The following OTOF variants were observed in gnomAD, a reference collection of about 807,000 sequenced individuals.
OTOF encodes fer-1-like family member 2.
OTOF carries 218 observed loss-of-function variants against 236.8 expected under a neutral mutation model. That is an observed-to-expected ratio of 0.92 (90% CI 0.82 to 1.03). The LOEUF (loss-of-function observed/expected upper bound fraction) is 1.03, where lower values mean the gene tolerates loss of function less well. OTOF is among the 50% of genes least tolerant of loss of function. The pLI is 0.00. For missense variants in OTOF, 2,590 were observed against 2,694.4 expected, an observed-to-expected ratio of 0.96 and a Z score of 0.86; for synonymous variants, 1,041 against 1,072.5, an observed-to-expected ratio of 0.97 and a Z score of 0.57.
chr2:26,463,190 G>C lies in OTOF; in HGVS notation c.5192+293C>G, dbSNP rs116461475. On this transcript the variant is annotated intron_variant, in intron 41 of 46. Coordinates refer to ENST00000272371, the MANE Select transcript of OTOF (RefSeq NM_194248.3). ...ATGCATGTGTATGGGCGCGTAGACC[G>C]TGTAGATACAATGCACCGGAGTGTG... Among the ~76,000 whole-genome samples the C allele has an allele frequency of 2.6e-4, 40 of 152,312 alleles. No homozygotes were observed. The South Asian group carries it at 4.8e-3, about 18-fold the overall frequency.
chr2:26,523,070 G>A (rs1332796616), intron 3 of OTOF, among the ~76,000 whole-genome samples: 1 of 152,204 alleles, frequency 6.6e-6, no homozygotes, highest in Non-Finnish European at 1.5e-5. Context: ...ACTTTCCCCT[G>A]GGAGCCCGTG....
intron 9 of OTOF, among the ~76,000 whole-genome samples, chr2:26,494,532 C>G (rs971000592): frequency 2.0e-5 from 3 of 152,100 alleles, no homozygotes; most frequent in Non-Finnish European, 4.4e-5. Flanking sequence ...CATTTAGGAG[C>G]ATGCCTGGCT....
In OTOF at chr2:26,477,391, C is replaced by G. The variant is rs760055325; in HGVS notation, c.2406+25G>C. The G allele has an allele frequency of 1.3e-6, 2 of 1,569,934 alleles. No homozygotes were observed. The highest frequency in any genetic ancestry group is 2.3e-5 in the South Asian group (2 of 85,750). ...CTCACAACCAGGCCCTCCCTCCAGC[C>G]CCCGCCGTCCAGTTGCGTCCTCACC... On this transcript the variant is annotated intron_variant, in intron 20 of 46. Coordinates refer to ENST00000272371, the MANE Select transcript of OTOF (RefSeq NM_194248.3). This position sits in a 1 kb window ranked among gnomAD's most constrained non-coding sequence, Gnocchi z 4.7.
chr2:26,553,663 T>G (rs1667516195), intron 1 of OTOF, among the ~76,000 whole-genome samples: 1 of 152,190 alleles, frequency 6.6e-6, no homozygotes, highest in Non-Finnish European at 1.5e-5. Context: ...GCCAATGAAC[T>G]AAGACCCTTC....
At position 26,477,236 on chromosome 2, in the gene OTOF, G is replaced by C. The variant is rs762333522; in HGVS notation, c.2459C>G (p.Thr820Arg). 2 of 1,609,606 alleles carry C rather than the reference G, an allele frequency of 1.2e-6. No individual in the cohort carries two copies. The highest frequency in any genetic ancestry group is 2.7e-5 in the African/African-American group (2 of 75,038). Reference sequence around the variant, plus strand: ...GCACAGCCTCAGCTTGTCCCGCACCGTGTGCCGCTTCACCTGGGCCCGCAG... The same window carrying C: ...GCACAGCCTCAGCTTGTCCCGCACCCTGTGCCGCTTCACCTGGGCCCGCAG... Reference protein sequence around the residue: ...RMLRAQVKRHTVRDKLRLCQN... With the variant: ...RMLRAQVKRHRVRDKLRLCQN... The change falls in exon 21 of 47, where the codon ACG becomes AGG. Residue 820 changes from threonine (T) to arginine (R), a missense_variant. By Grantham distance (71) the Thr-to-Arg change is moderately conservative (BLOSUM62 -1). Around this residue, in one of 2 missense-constraint regions of OTOF, gnomAD observed 1,379 missense variants for 1,341.6 expected, o/e 1.03. Coordinates refer to ENST00000272371, the MANE Select transcript of OTOF (RefSeq NM_194248.3). The surrounding 1 kb of genome is among the most constrained non-coding windows in gnomAD (Gnocchi z 4.7).
At chr2:26,528,426 T>C (rs1471378493) in intron 2 of OTOF, among the ~76,000 whole-genome samples, 1 of 152,226 alleles carries the variant, frequency 6.6e-6, no homozygotes, top group East Asian at 1.9e-4. Context: ...GACTCCTGTG[T>C]TGAGTTCAAA....
intron 2 of OTOF, among the ~76,000 whole-genome samples, chr2:26,532,708 G>A (rs1251871853): frequency 2.0e-5 from 3 of 152,034 alleles, no homozygotes; most frequent in Non-Finnish European, 4.4e-5. Context: ...GGAGTGCTGA[G>A]TCCTGACCCA....
intron 3 of OTOF, among the ~76,000 whole-genome samples, chr2:26,526,200 G>A (rs1666799927): frequency 3.3e-5 from 5 of 151,548 alleles, no homozygotes. Context: ...TGGATGAATG[G>A]ATGGAAAGAT....
chr2:26,474,087 G>A lies in OTOF; in HGVS notation c.3312C>T (p.Asp1104=), dbSNP rs1158423019. ...CCACCGGGCCATTGATGGGGGGCAG[G>A]TCAGCCTTCCCTGCTGGTCCAATCT... is the stretch of plus-strand genomic sequence containing the variant. ...LLQIGPAGKA[D]LPPINGPVDV... The change falls in exon 27 of 47, where the codon GAC becomes GAT. Residue 1104 remains aspartate (D), a synonymous_variant. Transcript: ENST00000272371. 5.0e-6 allele frequency: 8 copies of A among 1,612,998 alleles called. No homozygotes were observed. The highest frequency in any genetic ancestry group is 6.8e-6 in the Non-Finnish European group (8 of 1,179,880).
intron 9 of OTOF, among the ~76,000 whole-genome samples, chr2:26,494,600 T>C (rs1665929648): frequency 7.2e-6 from 1 of 139,716 alleles, no homozygotes; most frequent in Admixed American, 7.4e-5. Flanking sequence ...GAGGCAGCCC[T>C]GTCCTTGGGC....
chr2:26,463,306 C>G (rs923551910), intron 41 of OTOF, among the ~76,000 whole-genome samples, 177 bp downstream of exon 41: 1 of 152,222 alleles, frequency 6.6e-6, no homozygotes, highest in Non-Finnish European at 1.5e-5. Context: ...GCCCTAAACT[C>G]TATCGATTGG....
chr2:26,558,744 T>G lies in OTOF; in HGVS notation c.-173A>C. 1.7e-6 allele frequency: 1 copy of G among 602,472 alleles called. No individual in the cohort carries two copies. 37.3% of individuals were successfully genotyped at this position (602,472 alleles called of 1,614,324 possible). On this transcript the variant is annotated 5_prime_UTR_variant, in exon 1 of 47. Coordinates refer to ENST00000272371, the MANE Select transcript of OTOF (RefSeq NM_194248.3). ...CAACCAAGCCGAGCTAAGCTGCTCC[T>G]GCAGCGACTCACAGAGCCTCACAGC...
intron 2 of OTOF, 67 bp downstream of exon 2, chr2:26,537,649 G>T: frequency 8.1e-7 from 1 of 1,228,354 alleles, no homozygotes; most frequent in Non-Finnish European, 1.2e-6. Flanking sequence ...CCCGCAAGAG[G>T]CAGCGAAGGG....
At chr2:26,479,755 G>A (rs1665477885) in intron 16 of OTOF, 102 bp from the exon 17 acceptor site, 4 of 1,171,976 alleles carry the variant, frequency 3.4e-6, no homozygotes, top group Admixed American at 3.8e-5. Context: ...GGGAGAGGGA[G>A]AGTCAGGGAA....
In OTOF at chr2:26,527,932, G is replaced by A; in HGVS notation, c.139-12C>T. 6.2e-7 allele frequency: 1 copy of A among 1,607,306 alleles called. No individual in the cohort carries two copies. Among genetic ancestry groups the A allele is most frequent in the African/African-American group, 1.3e-5 (1 of 74,868 alleles). On this transcript the variant is annotated splice_polypyrimidine_tract_variant and intron_variant, in intron 2 of 46. Coordinates refer to ENST00000272371, the MANE Select transcript of OTOF (RefSeq NM_194248.3). Reference sequence around the variant, plus strand: ...GGCCACCGAAATGTCTGGGGAGAGAGGGACAACTGCGGCTTCGGTGGCAAT... The same window carrying A: ...GGCCACCGAAATGTCTGGGGAGAGAAGGACAACTGCGGCTTCGGTGGCAAT...
chr2:26,473,901 T>C lies in OTOF; in HGVS notation c.3408+90A>G. On this transcript the variant is annotated intron_variant, in intron 27 of 46. Coordinates refer to ENST00000272371, the MANE Select transcript of OTOF (RefSeq NM_194248.3). This position sits in a 1 kb window ranked among gnomAD's most constrained non-coding sequence, Gnocchi z 7.2. ...TGGGTCTGCTGCTGGCTCCTGGTGATGGTGGTGGGAGGGGGATGACAAGCC... is the reference window on the plus strand; with the variant it reads ...TGGGTCTGCTGCTGGCTCCTGGTGACGGTGGTGGGAGGGGGATGACAAGCC... The C allele has an allele frequency of 6.5e-7, 1 of 1,540,398 alleles. No homozygotes were observed. The highest frequency in any genetic ancestry group is 9.0e-7 in the Non-Finnish European group (1 of 1,114,992).
chr2:26,553,259 C>T (rs12470327), intron 1 of OTOF, among the ~76,000 whole-genome samples: 48,837 of 151,942 alleles, frequency 0.32, 9,161 homozygotes, highest in East Asian at 0.64. Flanking sequence ...GTGTGGCTTC[C>T]CCGACATGGA....
Position 26,558,520 on chromosome 2 carries a change from C to G in OTOF, c.52G>C (p.Asp18His), listed in dbSNP as rs376856990. ...CGGAAAGTCACTTTGGCGATCCGGT[C>G]GCCCCTGCCCCGCAGCTCCGAGACT... ...KTVSELRGRGDRIAKVTFRGQ... is the reference protein window; with the variant it reads ...KTVSELRGRGHRIAKVTFRGQ... Residue 18 changes from aspartate (D) to histidine (H), a missense_variant, in exon 1 of 47, where the codon GAC becomes CAC. Asp to His is a moderately conservative substitution (Grantham distance 81, BLOSUM62 -1). Around this residue, in one of 2 missense-constraint regions of OTOF, gnomAD observed 1,379 missense variants for 1,341.6 expected, o/e 1.03. Coordinates refer to ENST00000272371, the MANE Select transcript of OTOF (RefSeq NM_194248.3). The G allele has an allele frequency of 3.7e-6, 6 of 1,613,990 alleles. No individual in the cohort carries two copies. Among genetic ancestry groups the G allele is most frequent in the Non-Finnish European group, 3.4e-6 (4 of 1,179,970 alleles).
At chr2:26,458,326 A>G in intron 46 of OTOF, 106 bp from the exon 47 acceptor site, 1 of 1,167,142 alleles carries the variant, frequency 8.6e-7, no homozygotes, top group Admixed American at 2.0e-5. Context: ...CCATGGCCCC[A>G]GCCCCAAAAG....
Sources: gnomAD v4.1 joint callset for allele counts (sites outside exome capture counted in the v4.1 genomes callset) on GRCh38, gnomAD v4.1.1 for gene constraint, gnomAD v4.1.1 regional missense constraint, Gnocchi (gnomAD v3.1) non-coding constraint, MANE v1.5 for transcripts, NCBI Gene and HGNC (gene_info 2026-07-23, HGNC 2026-07-21) for gene names.